The following UACA variants were observed in gnomAD, a reference collection of about 807,000 sequenced individuals.
UACA encodes uveal autoantigen with coiled-coil domains and ankyrin repeats.
In UACA, 112 loss-of-function variants were observed where a neutral mutation model predicts 160.5. The observed-to-expected ratio is 0.70, with a 90% CI of 0.60 to 0.82. The LOEUF (loss-of-function observed/expected upper bound fraction) is 0.82, where lower values mean the gene tolerates loss of function less well. Ranked by LOEUF, UACA falls within the 40% of genes least tolerant of loss-of-function variation. The probability of loss-of-function intolerance (pLI) is 0.00; values close to 1 mark genes in which losing one functional copy is unlikely to be tolerated. For missense variants in UACA, 1,574 were observed against 1,614.6 expected (o/e 0.97, Z 0.43); for synonymous variants, 557 against 568.4 (o/e 0.98, Z 0.29).
Position 70,699,662 on chromosome 15 carries a change from T to C in UACA, c.79-2A>G. The C allele has an allele frequency of 6.2e-7, 1 of 1,604,784 alleles. No individual in the cohort carries two copies. The highest frequency in any genetic ancestry group is 8.5e-7 in the Non-Finnish European group (1 of 1,177,078). ...ATATTTATTCCAATCTGCTGCATGC[T>C]ACAAAAAGGAAAAAAAAAAGTAAAT... On this transcript the variant is annotated splice_acceptor_variant, in intron 1 of 18. Transcript: ENST00000322954. LOFTEE classifies it high-confidence loss of function.
At chr15:70,687,511 G>C in intron 7 of UACA, 29 bp downstream of exon 7, 1 of 1,598,124 alleles carries the variant, frequency 6.3e-7, no homozygotes, top group Non-Finnish European at 8.6e-7. Flanking sequence ...TATCCAGCTG[G>C]TATCTGGGAG....
chr15:70,744,264 A>AG (rs1281497112), intron 1 of UACA, among the ~76,000 whole-genome samples: 1 of 150,630 alleles, frequency 6.6e-6, no homozygotes, highest in Non-Finnish European at 1.5e-5. Context: ...AAAAAAAAAA[A>AG]AAAAGAAAGA....
At chr15:70,773,608 C>A in the UACA span, among the ~76,000 whole-genome samples, 43 of 151,966 alleles carry the variant, frequency 2.8e-4, no homozygotes, top group Admixed American at 6.6e-5. Flanking sequence ...AGGATAAAGG[C>A]AAAAAGATGC....
chr15:70,771,369 T>C, the UACA span, among the ~76,000 whole-genome samples: 27,582 of 152,254 alleles, frequency 0.18, 3,812 homozygotes, highest in African/African-American at 0.39. Flanking sequence ...AGGCACTGAA[T>C]ATTCTCAACA....
In UACA at chr15:70,660,223, A is replaced by G; in HGVS notation, c.4114-7T>C. The G allele has an allele frequency of 6.2e-7, 1 of 1,612,570 alleles. No individual in the cohort carries two copies. Among genetic ancestry groups the G allele is most frequent in the Non-Finnish European group, 8.5e-7 (1 of 1,178,924 alleles). On this transcript the variant is annotated splice_polypyrimidine_tract_variant and splice_region_variant and intron_variant, in intron 17 of 18. Transcript: ENST00000322954. ...GGTGCTGTCTGTCAGCATCCTAGAA[A>G]TGTGGAAAGATGGACAGATGTGACT...
At chr15:70,687,906 T>C (rs1897788832) in intron 5 of UACA, 86 bp from the exon 6 acceptor site, 3 of 1,307,318 alleles carry the variant, frequency 2.3e-6, no homozygotes, top group Non-Finnish European at 1.1e-6. Flanking sequence ...AAGGAATAAG[T>C]TTTTCAATTT....
chr15:70,666,416 C>T (rs1266956741), intron 16 of UACA, among the ~76,000 whole-genome samples: 1 of 152,228 alleles, frequency 6.6e-6, no homozygotes, highest in Non-Finnish European at 1.5e-5. Flanking sequence ...CCACCACCCT[C>T]TTCCCCATCT....
chr15:70,721,365 C>T (rs1191127378), intron 1 of UACA, among the ~76,000 whole-genome samples: 1 of 152,176 alleles, frequency 6.6e-6, no homozygotes. Context: ...GTGGCTCACG[C>T]CTGTAATCCC....
chr15:70,668,200 A>G lies in UACA; in HGVS notation c.2484T>C (p.Ser828=), dbSNP rs761857749. The G allele has an allele frequency of 2.5e-6, 4 of 1,611,578 alleles. No homozygotes were observed. Among genetic ancestry groups the G allele is most frequent in the Non-Finnish European group, 3.4e-6 (4 of 1,179,534 alleles). ...SNIVELKKQL[S]ELKKKCGEDQ... is the part of the protein sequence containing the mutation. ...CTTCACCACATTTTTTCTTAAGTTC[A>G]GACAGCTGTTTCTTAAGTTCAACAA... The change falls in exon 16 of 19, where the codon TCT becomes TCC. Residue 828 remains serine (S), a synonymous_variant. Coordinates refer to ENST00000322954, the MANE Select transcript of UACA (RefSeq NM_018003.4).
At chr15:70,659,853 A>G (rs1162280810) in intron 18 of UACA, among the ~76,000 whole-genome samples, 2 of 152,046 alleles carry the variant, frequency 1.3e-5, no homozygotes, top group Non-Finnish European at 2.9e-5. Context: ...TCAAGGCATT[A>G]TCTCCAGCTA....
At position 70,695,098 on chromosome 15, in the gene UACA, C is replaced by G; in HGVS notation, c.220G>C (p.Val74Leu). 6.3e-7 allele frequency: 1 copy of G among 1,595,842 alleles called. No individual in the cohort carries two copies. Among genetic ancestry groups the G allele is most frequent in the Non-Finnish European group, 8.5e-7 (1 of 1,172,194 alleles). Residue 74 changes from valine (V) to leucine (L), a missense_variant, in exon 3 of 19, where the codon GTT becomes CTT. Transcript: ENST00000322954. ...LDVEGRSVFH[V>L]VTSKGNLECL... is the part of the protein sequence containing the mutation. Reference sequence around the variant, plus strand: ...TCAAGATTCCCCTTTGAGGTCACAACATGGAAGCTAAACAAAAAAAAAATA... The same window carrying G: ...TCAAGATTCCCCTTTGAGGTCACAAGATGGAAGCTAAACAAAAAAAAAATA...
At position 70,678,142 on chromosome 15, in the gene UACA, A is replaced by G. The variant is rs1357417941; in HGVS notation, c.956T>C (p.Ile319Thr). The G allele has an allele frequency of 1.2e-6, 2 of 1,610,456 alleles. No homozygotes were observed. Among genetic ancestry groups the G allele is most frequent in the South Asian group, 1.1e-5 (1 of 90,394 alleles). Reference sequence around the variant, plus strand: ...TAAACCATTGACTTTATCCAAAAGTATTCTTTGTTCTTGCTGAATTTTTCT... The same window carrying G: ...TAAACCATTGACTTTATCCAAAAGTGTTCTTTGTTCTTGCTGAATTTTTCT... ...RLRKIQQEQR[I>T]LLDKVNGLQL... Residue 319 changes from isoleucine to threonine, a missense_variant, in exon 11 of 19, where the codon ATA becomes ACA. By Grantham distance (89) the Ile-to-Thr change is moderately conservative. Coordinates refer to ENST00000322954, the MANE Select transcript of UACA (RefSeq NM_018003.4).
chr15:70,671,175 A>T, intron 14 of UACA, 84 bp from the exon 15 acceptor site: 1 of 990,040 alleles, frequency 1.0e-6, no homozygotes, highest in Non-Finnish European at 1.5e-6. Flanking sequence ...TATTTCCTTT[A>T]TTATTCAAAT....
rs909386790 is a variant in UACA, at chr15:70,712,064, A to ATATATATATATATATATC, written c.79-12405_79-12404insGATATATATATATATATA. Among the ~76,000 whole-genome samples, 23 of 145,560 alleles carry ATATATATATATATATATC rather than the reference A, an allele frequency of 1.6e-4. 3 individuals carry two copies. The highest frequency in any genetic ancestry group is 6.4e-4 in the African/African-American group (23 of 35,830). ...CTAAGCTCCAGGCATATATATATAT[A>ATATATATATATATATATC]TATCTCCATATACCTTCTTCATGAT... On this transcript the variant is annotated intron_variant, in intron 1 of 18. Coordinates refer to ENST00000322954, the MANE Select transcript of UACA (RefSeq NM_018003.4).
At chr15:70,677,938 G>A (rs1186212021) in intron 11 of UACA, among the ~76,000 whole-genome samples, 161 bp downstream of exon 11, 1 of 152,034 alleles carries the variant, frequency 6.6e-6, no homozygotes, top group African/African-American at 2.4e-5. Context: ...TTAGCTTATG[G>A]TACTTTAAAT....
At chr15:70,713,248 G>A (rs1289150500) in intron 1 of UACA, among the ~76,000 whole-genome samples, 1 of 152,190 alleles carries the variant, frequency 6.6e-6, no homozygotes, top group Non-Finnish European at 1.5e-5. Flanking sequence ...CTACTCGGGA[G>A]GCTGAGGCAG....
rs1247268113 is a variant in UACA at position 70,655,023 on chromosome 15, C to T, written c.*2033G>A. On this transcript the variant is annotated 3_prime_UTR_variant, in exon 19 of 19. Transcript: ENST00000322954. ...TTCTCCCTTGTACTTTGGAGTCCATCGTTTCCTACTCCCAATGCTCTCACA... is the reference window on the plus strand; with the variant it reads ...TTCTCCCTTGTACTTTGGAGTCCATTGTTTCCTACTCCCAATGCTCTCACA... 1 of 152,176 alleles carries T rather than the reference C, an allele frequency of 6.6e-6. No homozygotes were observed. The allele number at this position is 152,176 out of a possible 1,614,324, so 9.4% of individuals were successfully genotyped here.
At chr15:70,660,064 T>C in intron 18 of UACA, 87 bp downstream of exon 18, 1 of 1,066,152 alleles carries the variant, frequency 9.4e-7, no homozygotes, top group Non-Finnish European at 1.4e-6. Flanking sequence ...ACTTTAAACA[T>C]CAATTACTTT....
intron 3 of UACA, among the ~76,000 whole-genome samples, chr15:70,694,108 G>A (rs1161648758): frequency 2.6e-5 from 4 of 152,014 alleles, no homozygotes; most frequent in Non-Finnish European, 5.9e-5. Context: ...ACAAACAAAA[G>A]CCTTTTAGTT....
Sources: allele counts gnomAD v4.1 joint callset (sites outside exome capture counted in the v4.1 genomes callset), GRCh38; gene constraint gnomAD v4.1.1; transcripts MANE v1.5; gene names NCBI Gene and HGNC (gene_info 2026-07-23, HGNC 2026-07-21).